PHF21A: variants seen among roughly 807,000 people sequenced by gnomAD.
PHF21A encodes PHD finger protein 21A.
Under a neutral mutation model 82.5 loss-of-function variants are expected in PHF21A, and 11 were observed. That is an observed-to-expected ratio of 0.13 (90% CI 0.08 to 0.22). The LOEUF is 0.22. PHF21A is among the 10% of genes least tolerant of loss of function. The pLI is 1.00. For synonymous variants in PHF21A, 297 were observed against 302.8 expected (o/e 0.98, Z 0.20); for missense variants, 579 against 837.8 (o/e 0.69, Z 3.81).
At position 45,933,173 on chromosome 11, in the gene PHF21A, A is replaced by G. The variant is rs896189277; in HGVS notation, c.*795T>C. ...TTCTTCCCTGCCTTGGGCAAGGGCC[A>G]GTGGCCCGGGCTCTGCTTGTTCTTG... On this transcript the variant is annotated 3_prime_UTR_variant, in exon 19 of 19. Coordinates refer to ENST00000676320, the MANE Select transcript of PHF21A (RefSeq NM_001352027.3). 1 of 152,626 alleles carries G rather than the reference A, an allele frequency of 6.6e-6. No individual in the cohort carries two copies. The highest frequency in any genetic ancestry group is 3.4e-3 in the Middle Eastern group (1 of 294). The allele number at this position is 152,626 out of a possible 1,614,324, so 9.5% of individuals were successfully genotyped here. A position where few individuals can be genotyped will look rare whatever the true frequency, so the allele number is the denominator to read the frequency against.
At chr11:46,095,835 G>A (rs1330715982) in intron 1 of PHF21A, among the ~76,000 whole-genome samples, 1 of 152,012 alleles carries the variant, frequency 6.6e-6, no homozygotes, top group Non-Finnish European at 1.5e-5. Flanking sequence ...AAATGATTAA[G>A]TTTATAGCCT....
At chr11:45,977,370 A>G (rs188674065) in intron 7 of PHF21A, among the ~76,000 whole-genome samples, 6 of 152,142 alleles carry the variant, frequency 3.9e-5, no homozygotes, top group Non-Finnish European at 8.8e-5. Context: ...CTCCTGACCT[A>G]AAGTGATCCA....
chr11:45,958,331 G>A (rs1343047963), intron 10 of PHF21A, among the ~76,000 whole-genome samples: 2 of 139,802 alleles, frequency 1.4e-5, no homozygotes, highest in Admixed American at 1.5e-4. Context: ...GAGAGGCCAA[G>A]GCAGGCAGAT....
chr11:46,055,150 A>G lies in PHF21A; in HGVS notation c.153+21604T>C, dbSNP rs188030105. On this transcript the variant is annotated intron_variant, in intron 6 of 18. Coordinates refer to ENST00000676320, the MANE Select transcript of PHF21A (RefSeq NM_001352027.3). ...GCGAGAACTTAAGATACTTTGAAGCAATCTGAATGTAGAATCCTTCTGGAC... is the reference window on the plus strand; with the variant it reads ...GCGAGAACTTAAGATACTTTGAAGCGATCTGAATGTAGAATCCTTCTGGAC... Among the ~76,000 whole-genome samples, 438 of 152,278 alleles carry G rather than the reference A, an allele frequency of 2.9e-3. 2 individuals carry two copies. The highest frequency in any genetic ancestry group is 3.4e-3 in the Middle Eastern group (1 of 294).
At chr11:45,957,051 T>C (rs1053602790) in intron 10 of PHF21A, among the ~76,000 whole-genome samples, 1 of 152,182 alleles carries the variant, frequency 6.6e-6, no homozygotes. Context: ...CATTATATAA[T>C]ATACTGACAA....
intron 6 of PHF21A, among the ~76,000 whole-genome samples, chr11:46,058,712 T>C (rs2096493079): frequency 6.6e-6 from 1 of 152,206 alleles, no homozygotes; most frequent in African/African-American, 2.4e-5. Context: ...ACAGGGGCTC[T>C]CTGATCTAGC....
chr11:46,026,122 TG>T (rs1358793350), intron 6 of PHF21A, among the ~76,000 whole-genome samples: 2 of 152,222 alleles, frequency 1.3e-5, no homozygotes, highest in Non-Finnish European at 2.9e-5. Context: ...GCGAGAGACC[TG>T]GGCTAAGGTT....
intron 6 of PHF21A, 37 bp from the exon 7 acceptor site, chr11:45,980,003 G>T: frequency 6.2e-7 from 1 of 1,612,950 alleles, no homozygotes; most frequent in South Asian, 1.1e-5. Context: ...AAAGATATTA[G>T]AATACTGCTC....
chr11:46,073,451 A>C (rs540434594), intron 6 of PHF21A, among the ~76,000 whole-genome samples: 1 of 152,352 alleles, frequency 6.6e-6, no homozygotes, highest in South Asian at 2.1e-4. Context: ...TTGATGTTAA[A>C]AAAATTTTTT....
In PHF21A at chr11:45,989,490, T is replaced by TAAAAA. The variant is rs57370032; in HGVS notation, c.154-9529_154-9525dup. 3.7e-3 allele frequency among the ~76,000 whole-genome samples: 371 copies of TAAAAA among 100,884 alleles called. 4 individuals carry two copies. Among genetic ancestry groups the TAAAAA allele is most frequent in the African/African-American group, 0.014 (351 of 24,832 alleles). 66.2% of individuals were successfully genotyped at this position (100,884 alleles called of 152,430 possible). ...TAACACGGTGAAACCCCATCTCTAC[T>TAAAAA]AAAAAAAAAAAAAAAAAAAATACAA... On this transcript the variant is annotated intron_variant, in intron 6 of 18. Transcript: ENST00000676320.
intron 2 of PHF21A, among the ~76,000 whole-genome samples, chr11:46,090,845 T>A (rs2096915982): frequency 1.3e-5 from 2 of 151,992 alleles, no homozygotes. Context: ...TAGTGTTCCA[T>A]TATTGGAACA....
intron 6 of PHF21A, among the ~76,000 whole-genome samples, chr11:46,015,545 T>G (rs181798529): frequency 6.6e-6 from 1 of 152,298 alleles, no homozygotes; most frequent in Non-Finnish European, 1.5e-5. Context: ...TTATAAAGTT[T>G]AATTTTTAAA....
chr11:46,117,808 C>T (rs2136179593), intron 1 of PHF21A: 1 of 152,308 alleles, frequency 6.6e-6, no homozygotes, highest in African/African-American at 2.4e-5. Context: ...GTGCTCTGTA[C>T]CAAGGGCCAG....
chr11:45,988,628 C>T (rs932588747), intron 6 of PHF21A, among the ~76,000 whole-genome samples: 1 of 152,158 alleles, frequency 6.6e-6, no homozygotes, highest in Admixed American at 6.5e-5. Flanking sequence ...GTGGCTCACC[C>T]CTGTAATCCC....
At chr11:45,959,059 A>T (rs2092912716) in intron 10 of PHF21A, among the ~76,000 whole-genome samples, 1 of 152,230 alleles carries the variant, frequency 6.6e-6, no homozygotes, top group Non-Finnish European at 1.5e-5. Context: ...AGGATGGTAC[A>T]CTATGACAAA....
intron 6 of PHF21A, among the ~76,000 whole-genome samples, chr11:46,038,329 T>C (rs1300529468): frequency 6.6e-6 from 1 of 152,092 alleles, no homozygotes; most frequent in Admixed American, 6.5e-5. Flanking sequence ...GGTTTCACCA[T>C]GTTGGCCAGG....
intron 6 of PHF21A, among the ~76,000 whole-genome samples, chr11:46,022,296 A>T (rs2095647858): frequency 6.6e-6 from 1 of 152,114 alleles, no homozygotes. Flanking sequence ...TCTACAAAAA[A>T]ATTTAAAAAT....
chr11:46,042,739 T>C (rs1477696782), intron 6 of PHF21A, among the ~76,000 whole-genome samples: 1 of 152,026 alleles, frequency 6.6e-6, no homozygotes, highest in Non-Finnish European at 1.5e-5. Flanking sequence ...AGTGTCCTTA[T>C]AAAAGAGGCC....
intron 16 of PHF21A, chr11:45,936,772 A>G: frequency 1.8e-6 from 1 of 546,880 alleles, no homozygotes; most frequent in Non-Finnish European, 3.2e-6. Context: ...CAAGGCAGGA[A>G]GAGCCAGGAC....
Sources: gnomAD v4.1 joint callset for allele counts (sites outside exome capture counted in the v4.1 genomes callset) on GRCh38, gnomAD v4.1.1 for gene constraint, MANE v1.5 for transcripts, NCBI Gene and HGNC (gene_info 2026-07-23, HGNC 2026-07-21) for gene names.